PAXBP1: variants seen among roughly 807,000 people sequenced by gnomAD.
PAXBP1 encodes the protein PAX3 and PAX7 binding protein 1, also known as PAX3- and PAX7-binding protein 1.
Under a neutral mutation model 119.9 loss-of-function variants are expected in PAXBP1, and 44 were observed. The observed-to-expected ratio is 0.37, with a 90% CI of 0.29 to 0.47. The LOEUF (loss-of-function observed/expected upper bound fraction) is 0.47. PAXBP1 is among the 20% of genes least tolerant of loss of function. PAXBP1 has a pLI of 0.99. For synonymous variants in PAXBP1, 393 were observed against 406.6 expected, an observed-to-expected ratio of 0.97 and a Z score of 0.40; for missense variants, 898 against 1,134.1, an observed-to-expected ratio of 0.79 and a Z score of 2.99.
intron 7 of PAXBP1, 75 bp downstream of exon 7, chr21:32,759,005 A>T (rs2044090700): frequency 7.2e-7 from 1 of 1,382,524 alleles, no homozygotes; most frequent in African/African-American, 1.4e-5. Context: ...AGAATTATAG[A>T]ATGTTCTACA....
chr21:32,743,306 T>G lies in PAXBP1; in HGVS notation c.2276A>C (p.Glu759Ala). The change falls in exon 15 of 18, where the codon GAA becomes GCA. Residue 759 changes from glutamate to alanine, a missense_variant. Physicochemically the swap from Glu to Ala is moderately radical, Grantham distance 107 (BLOSUM62 -1). Coordinates refer to ENST00000331923, the MANE Select transcript of PAXBP1 (RefSeq NM_016631.4). The part of the protein sequence containing the change: ...FMPLYPKNVL[E>A]NKNSGPYLFF... Reference sequence around the variant, plus strand: ...CAAGTAAGGCCCAGAATTTTTATTTTCTAAGACACTAAGTAAAAAAAAGAG... The same window carrying G: ...CAAGTAAGGCCCAGAATTTTTATTTGCTAAGACACTAAGTAAAAAAAAGAG... 6.4e-7 allele frequency: 1 copy of G among 1,563,844 alleles called. No homozygotes were observed. Among genetic ancestry groups the G allele is most frequent in the Non-Finnish European group, 8.6e-7 (1 of 1,163,070 alleles).
At position 32,771,635 on chromosome 21, in the gene PAXBP1, T is replaced by A; in HGVS notation, c.34A>T (p.Lys12Ter). The A allele has an allele frequency of 6.9e-7, 1 of 1,454,610 alleles. No homozygotes were observed. The highest frequency in any genetic ancestry group is 9.0e-7 in the Non-Finnish European group (1 of 1,107,226). The allele number at this position is 1,454,610 out of a possible 1,614,324, so 90.1% of individuals were successfully genotyped here. A position where few individuals can be genotyped will look rare whatever the true frequency, so the allele number is the denominator to read the frequency against. Residue 12 changes from lysine (K) to a stop codon, truncating the protein, a stop_gained, in exon 1 of 18, where the codon AAG becomes TAG. Coordinates refer to ENST00000331923, the MANE Select transcript of PAXBP1 (RefSeq NM_016631.4). LOFTEE classifies it high-confidence loss of function. The stretch of plus-strand genomic sequence containing the variant: ...TCTTCCTCTTCGGAGTCGTTCCGCT[T>A]GCGCACGTTCACCCGCCGGGCCTTT... ...FRKARRVNVR[K>*]RNDSEEEERE...
intron 11 of PAXBP1, among the ~76,000 whole-genome samples, chr21:32,747,973 G>A (rs1261965052): frequency 2.7e-5 from 4 of 148,242 alleles, no homozygotes; most frequent in Non-Finnish European, 5.9e-5. Flanking sequence ...TTTAAGTAGA[G>A]ACAAGGTCTT....
In PAXBP1 at chr21:32,771,703, C is replaced by G. The variant is rs2044361996; in HGVS notation, c.-35G>C. 7.4e-7 allele frequency: 1 copy of G among 1,352,448 alleles called. No homozygotes were observed. Among genetic ancestry groups the G allele is most frequent in the Non-Finnish European group, 9.5e-7 (1 of 1,052,700 alleles). 83.8% of individuals were successfully genotyped at this position (1,352,448 alleles called of 1,614,324 possible). ...CCGCACGGCGGTCGAATACTCGCTT[C>G]CACACCGCGGCCCCGGCAGCGCCGA... is the stretch of plus-strand genomic sequence containing the variant. On this transcript the variant is annotated 5_prime_UTR_variant, in exon 1 of 18. Transcript: ENST00000331923.
intron 11 of PAXBP1, among the ~76,000 whole-genome samples, chr21:32,746,248 A>C (rs549007192): frequency 9.2e-5 from 14 of 152,336 alleles, no homozygotes; most frequent in African/African-American, 3.4e-4. Flanking sequence ...AACTGCAACA[A>C]AAGCAAAAAT....
chr21:32,759,940 T>C lies in PAXBP1; in HGVS notation c.1030A>G (p.Thr344Ala), dbSNP rs112765275. The C allele has an allele frequency of 1.9e-6, 3 of 1,614,150 alleles. No homozygotes were observed. In the African/African-American group the frequency reaches 4.0e-5, roughly 22 times the overall value. The change falls in exon 6 of 18, where the codon ACA becomes GCA. Residue 344 changes from threonine to alanine, a missense_variant. Thr to Ala is a moderately conservative substitution (Grantham distance 58). This residue lies in a region of PAXBP1 where 599 missense variants were observed against 852.7 expected (regional missense o/e 0.70). Coordinates refer to ENST00000331923, the MANE Select transcript of PAXBP1 (RefSeq NM_016631.4). ...VNMYYQNTYQ[T>A]MPYGSSYGIP... The stretch of plus-strand genomic sequence containing the variant: ...CCATAGGATGAGCCGTAAGGCATTG[T>C]CTGGTAAGTGTTCTGGTAGTACATA...
intron 2 of PAXBP1, among the ~76,000 whole-genome samples, chr21:32,765,485 A>G (rs1352735010): frequency 6.6e-6 from 1 of 152,222 alleles, no homozygotes; most frequent in Non-Finnish European, 1.5e-5. Context: ...CAACAGGCAC[A>G]AGGAATATAC....
chr21:32,746,176 C>G (rs144135670), intron 11 of PAXBP1, among the ~76,000 whole-genome samples: 259 of 152,248 alleles, frequency 1.7e-3, no homozygotes, highest in Middle Eastern at 6.8e-3. Flanking sequence ...AGAAGAAAAT[C>G]TAGGCAATAC....
At chr21:32,739,967 A>G (rs2043755855) in intron 15 of PAXBP1, among the ~76,000 whole-genome samples, 1 of 148,578 alleles carries the variant, frequency 6.7e-6, no homozygotes, top group Non-Finnish European at 1.5e-5. Context: ...AAAAAAAAAA[A>G]GGCAATTTGT....
intron 6 of PAXBP1, 186 bp downstream of exon 6, chr21:32,759,591 G>T: frequency 1.6e-6 from 1 of 627,166 alleles, no homozygotes; most frequent in Non-Finnish European, 2.7e-6. Context: ...ATAATTTTTC[G>T]AGGCTTCCAC....
rs1569151693 is a variant in PAXBP1, at chr21:32,734,724, G to A, written c.*226C>T. 1.8e-6 allele frequency: 1 copy of A among 543,628 alleles called. No individual in the cohort carries two copies. The highest frequency in any genetic ancestry group is 3.3e-5 in the East Asian group (1 of 30,636). 33.7% of individuals were successfully genotyped at this position (543,628 alleles called of 1,614,324 possible). A position where few individuals can be genotyped will look rare whatever the true frequency, so the allele number is the denominator to read the frequency against. On this transcript the variant is annotated 3_prime_UTR_variant, in exon 18 of 18. Coordinates refer to ENST00000331923, the MANE Select transcript of PAXBP1 (RefSeq NM_016631.4). ...TTAAATGACCATACAAAATACTTCA[G>A]TAAACAAAGTATGACAGGCAGTAAA...
Position 32,744,756 on chromosome 21 carries a change from G to GAAA in PAXBP1, c.2190+33_2190+35dup, listed in dbSNP as rs78287607. The GAAA allele has an allele frequency of 4.7e-4, 553 of 1,183,518 alleles. No individual in the cohort carries two copies. The African/African-American group carries it at 5.9e-3, about 13-fold the overall frequency. The allele number at this position is 1,183,518 out of a possible 1,614,324, so 73.3% of individuals were successfully genotyped here. A position where few individuals can be genotyped will look rare whatever the true frequency, so the allele number is the denominator to read the frequency against. ...GCTTGCTCATATTCAACAGAAAGAG[G>GAAA]AAAAAAAAAAAAGGCTTCAAAAGAT... On this transcript the variant is annotated intron_variant, in intron 13 of 17. Transcript: ENST00000331923.
intron 6 of PAXBP1, 22 bp from the exon 7 acceptor site, chr21:32,759,291 AT>A: frequency 6.2e-7 from 1 of 1,605,214 alleles, no homozygotes; most frequent in South Asian, 1.1e-5. Flanking sequence ...AAAAGGATAA[AT>A]ATAACACATT....
At position 32,744,956 on chromosome 21, in the gene PAXBP1, A is replaced by G. The variant is rs1392692025; in HGVS notation, c.2069-43T>C. The G allele has an allele frequency of 3.2e-6, 5 of 1,579,490 alleles. No homozygotes were observed. In the East Asian group the frequency reaches 1.1e-4, roughly 36 times the overall value. ...GGATTGAGACACAGAAGCCAATTGT[A>G]CCTTTAATTTTTTGTCAAGCAGACC... On this transcript the variant is annotated intron_variant, in intron 12 of 17. Coordinates refer to ENST00000331923, the MANE Select transcript of PAXBP1 (RefSeq NM_016631.4).
intron 15 of PAXBP1, chr21:32,741,406 G>A (rs1601584869): frequency 2.0e-6 from 1 of 505,858 alleles, no homozygotes; most frequent in East Asian, 3.1e-5. Flanking sequence ...CCTTCAGAAT[G>A]AAGACCCAAA....
At chr21:32,739,462 G>A (rs554091317) in intron 15 of PAXBP1, among the ~76,000 whole-genome samples, 101 of 152,286 alleles carry the variant, frequency 6.6e-4, no homozygotes, top group African/African-American at 2.4e-3. Flanking sequence ...GCGGGACAGT[G>A]CTTGGTACAT....
chr21:32,762,911 CAAAA>C (rs763196446), intron 3 of PAXBP1, among the ~76,000 whole-genome samples: 1 of 47,910 alleles, frequency 2.1e-5, no homozygotes, highest in Non-Finnish European at 4.4e-5. Flanking sequence ...AACTCCGTCT[CAAAA>C]AAAAAAAAAA....
chr21:32,736,356 T>C (rs538118400), intron 17 of PAXBP1, among the ~76,000 whole-genome samples: 15 of 151,936 alleles, frequency 9.9e-5, no homozygotes, highest in Non-Finnish European at 1.5e-4. Context: ...ACCCAGCTAA[T>C]TTTTGTATTT....
At chr21:32,738,890 TG>T (rs1423024635) in intron 15 of PAXBP1, among the ~76,000 whole-genome samples, 3 of 152,168 alleles carry the variant, frequency 2.0e-5, no homozygotes, top group African/African-American at 7.2e-5. Flanking sequence ...ACTTAGTAAA[TG>T]GTAACACTAT....
Sources: gnomAD v4.1 joint callset for allele counts (sites outside exome capture counted in the v4.1 genomes callset) on GRCh38, gnomAD v4.1.1 for gene constraint, gnomAD v4.1.1 regional missense constraint, MANE v1.5 for transcripts, NCBI Gene and HGNC (gene_info 2026-07-23, HGNC 2026-07-21) for gene names.